The following COL4A4 variants were observed in gnomAD, a reference collection of about 807,000 sequenced individuals.
The protein encoded by COL4A4 is collagen alpha-4(IV) chain.
A neutral mutation model predicts 192.9 loss-of-function variants in COL4A4; 105 were observed. That is an observed-to-expected ratio of 0.54 (90% CI 0.46 to 0.64). The LOEUF (loss-of-function observed/expected upper bound fraction) is 0.64, where lower values mean the gene tolerates loss of function less well. Ranked by LOEUF, COL4A4 falls within the 30% of genes least tolerant of loss-of-function variation. The probability of loss-of-function intolerance (pLI) is 0.00; values close to 1 mark genes in which losing one functional copy is unlikely to be tolerated. For missense variants in COL4A4, 1,967 were observed against 2,169.3 expected (o/e 0.91, Z 1.85); for synonymous variants, 762 against 769.9 (o/e 0.99, Z 0.17).
At chr2:227,136,284 G>A (rs1409193382) in intron 4 of COL4A4, among the ~76,000 whole-genome samples, 5 of 152,146 alleles carry the variant, frequency 3.3e-5, no homozygotes, top group Admixed American at 2.6e-4. Context: ...GGGAGACATC[G>A]ACACTGACTG....
the COL4A4 span, among the ~76,000 whole-genome samples, chr2:226,972,755 C>T: frequency 6.6e-6 from 1 of 152,172 alleles, no homozygotes; most frequent in Non-Finnish European, 1.5e-5. Context: ...TCTGCTCACA[C>T]TCGGCCAAGC....
intron 35 of COL4A4, among the ~76,000 whole-genome samples, chr2:227,043,826 C>G (rs1971928959): frequency 6.6e-6 from 1 of 152,082 alleles, no homozygotes; most frequent in Admixed American, 6.6e-5. Context: ...TCTACATTGC[C>G]AAAATAACAT....
At chr2:227,026,576 T>G (rs1482662099) in intron 42 of COL4A4, among the ~76,000 whole-genome samples, 1 of 152,218 alleles carries the variant, frequency 6.6e-6, no homozygotes, top group South Asian at 2.1e-4. Flanking sequence ...CAGTGCTATT[T>G]ATTTATTCTT....
At position 227,121,113 on chromosome 2, in the gene COL4A4, A is replaced by G. The variant is rs1393470640; in HGVS notation, c.228T>C (p.Ile76=). The G allele has an allele frequency of 6.2e-7, 1 of 1,614,128 alleles. No homozygotes were observed. The change falls in exon 5 of 48, where the codon ATT becomes ATC. Residue 76 remains isoleucine (I), a synonymous_variant. Coordinates refer to ENST00000396625, the MANE Select transcript of COL4A4 (RefSeq NM_000092.5). ...TGGGTCCTGGGGCTCCCAGGGGTCC[A>G]ATTGGACCCTGTGGCCCTGGTGGTC... ...PPGPPGPQGP[I]GPLGAPGPIG...
At chr2:227,073,774 A>G (rs1368975581) in intron 25 of COL4A4, among the ~76,000 whole-genome samples, 2 of 152,044 alleles carry the variant, frequency 1.3e-5, no homozygotes, top group Non-Finnish European at 2.9e-5. Context: ...TTAACAAAGC[A>G]TACAAAAACA....
At chr2:227,045,842 A>ATG (rs1189044646) in intron 35 of COL4A4, among the ~76,000 whole-genome samples, 1 of 59,544 alleles carries the variant, frequency 1.7e-5, no homozygotes, top group Admixed American at 1.9e-4. Flanking sequence ...ACACACATAT[A>ATG]TATATACACA....
rs1293563553 is a variant in COL4A4 at position 227,086,593 on chromosome 2, C to T, written c.1623+2060G>A. On this transcript the variant is annotated intron_variant, in intron 22 of 47. Transcript: ENST00000396625. Reference sequence around the variant, plus strand: ...GGACAGAATCATATACACAACAGACCAGATACACAATCAGAAACGTGGCCA... The same window carrying T: ...GGACAGAATCATATACACAACAGACTAGATACACAATCAGAAACGTGGCCA... 2.0e-5 allele frequency among the ~76,000 whole-genome samples: 3 copies of T among 151,870 alleles called. No individual in the cohort carries two copies. In the East Asian group the frequency reaches 5.8e-4, roughly 29 times the overall value.
At position 227,147,428 on chromosome 2, in the gene COL4A4, A is replaced by G; in HGVS notation, c.56T>C (p.Leu19Ser). 1 of 1,613,806 alleles carries G rather than the reference A, an allele frequency of 6.2e-7. No homozygotes were observed. Among genetic ancestry groups the G allele is most frequent in the Non-Finnish European group, 8.5e-7 (1 of 1,179,782 alleles). Residue 19 changes from leucine (L) to serine (S), a missense_variant, in exon 2 of 48, where the codon TTG becomes TCG. Leu to Ser is a moderately radical substitution (Grantham distance 145). Coordinates refer to ENST00000396625, the MANE Select transcript of COL4A4 (RefSeq NM_000092.5). ...MRCSFRLTKSLATGPWSLILI... is the reference protein window; with the variant it reads ...MRCSFRLTKSSATGPWSLILI... ...GGATACTCACCAGGGACCTGTGGCC[A>G]AGGACTTGGTCAATCTGAAGGAGCA...
the COL4A4 span, among the ~76,000 whole-genome samples, chr2:226,972,671 A>G: frequency 6.6e-6 from 1 of 152,196 alleles, no homozygotes; most frequent in African/African-American, 2.4e-5. Context: ...GTCATTCAGC[A>G]AATAATGACT....
chr2:227,090,956 T>C (rs2059886915), intron 20 of COL4A4, among the ~76,000 whole-genome samples: 1 of 148,586 alleles, frequency 6.7e-6, no homozygotes, highest in African/African-American at 2.5e-5. Flanking sequence ...AAATGTCTCC[T>C]AAATTTCAAG....
At position 227,051,126 on chromosome 2, in the gene COL4A4, T is replaced by C; in HGVS notation, c.3001A>G (p.Arg1001Gly). 1 of 1,614,142 alleles carries C rather than the reference T, an allele frequency of 6.2e-7. No individual in the cohort carries two copies. Among genetic ancestry groups the C allele is most frequent in the South Asian group, 1.1e-5 (1 of 91,082 alleles). Residue 1001 changes from arginine (R) to glycine (G), a missense_variant, in exon 33 of 48, where the codon AGA becomes GGA. Coordinates refer to ENST00000396625, the MANE Select transcript of COL4A4 (RefSeq NM_000092.5). ...GGTCCGTATCTTCCCGGCTCTCCTC[T>C]TCTCCCTTGCATCCCGGGAGTTCCT... Reference protein sequence around the residue: ...DKGTPGMQGRRGEPGRYGPPG... With the variant: ...DKGTPGMQGRGGEPGRYGPPG...
chr2:227,149,869 G>C (rs1318735798), intron 1 of COL4A4, among the ~76,000 whole-genome samples: 2 of 152,060 alleles, frequency 1.3e-5, no homozygotes, highest in Non-Finnish European at 2.9e-5. Context: ...ATGGATGAAT[G>C]GACAGACAGA....
the COL4A4 span, among the ~76,000 whole-genome samples, chr2:226,994,763 G>A: frequency 6.6e-6 from 1 of 152,102 alleles, no homozygotes; most frequent in Non-Finnish European, 1.5e-5. Flanking sequence ...TTCTTATGTA[G>A]TGATTGAAAT....
At chr2:227,032,109 T>G in intron 39 of COL4A4, 39 bp downstream of exon 39, 3 of 1,614,024 alleles carry the variant, frequency 1.9e-6, no homozygotes, top group Non-Finnish European at 2.5e-6. Flanking sequence ...AGGTTTTGGT[T>G]TAGTTATTGA....
chr2:227,059,936 C>G (rs1178454357), intron 27 of COL4A4, among the ~76,000 whole-genome samples, 200 bp downstream of exon 27: 1 of 151,876 alleles, frequency 6.6e-6, no homozygotes, highest in Non-Finnish European at 1.5e-5. Flanking sequence ...GTGTAAGGAG[C>G]CTTGGCAACT....
chr2:227,098,823 A>C, intron 18 of COL4A4, 25 bp from the exon 19 acceptor site: 1 of 1,548,962 alleles, frequency 6.5e-7, no homozygotes, highest in Non-Finnish European at 8.9e-7. Flanking sequence ...GGTACATGAG[A>C]ATAAACAAAT....
intron 4 of COL4A4, among the ~76,000 whole-genome samples, chr2:227,139,451 A>G (rs894215271): frequency 4.6e-5 from 7 of 152,190 alleles, no homozygotes; most frequent in African/African-American, 1.7e-4. Flanking sequence ...CTGTCAGAAC[A>G]TGGGGGAGAC....
intron 44 of COL4A4, among the ~76,000 whole-genome samples, chr2:227,014,892 C>CTTTTTTTTTTTTTTT (rs1179125792): frequency 2.8e-5 from 3 of 106,586 alleles, no homozygotes; most frequent in African/African-American, 1.1e-4. Context: ...CCATGCCTGG[C>CTTTTTTTTTTTTTTT]TTTTTTTTTT....
rs201436618 is a variant in COL4A4 at position 227,102,818 on chromosome 2, T to C, written c.901A>G (p.Lys301Glu). Reference protein sequence around the residue: ...GESGIGAKGEKGIPGFPGPRG... With the variant: ...GESGIGAKGEEGIPGFPGPRG... ...GGCCCTGGAAATCCAGGAATACCTT[T>C]TTCTCCTTTTGCCCCAATACCAGAT... The change falls in exon 15 of 48, where the codon AAA becomes GAA. Residue 301 changes from lysine (K) to glutamate (E), a missense_variant. Lys to Glu is a moderately conservative substitution (Grantham distance 56). Coordinates refer to ENST00000396625, the MANE Select transcript of COL4A4 (RefSeq NM_000092.5). The C allele has an allele frequency of 6.2e-6, 10 of 1,613,574 alleles. No homozygotes were observed. Among genetic ancestry groups the C allele is most frequent in the Non-Finnish European group, 8.5e-6 (10 of 1,179,762 alleles).
Sources: gnomAD v4.1 joint callset for allele counts (sites outside exome capture counted in the v4.1 genomes callset) on GRCh38, gnomAD v4.1.1 for gene constraint, MANE v1.5 for transcripts, NCBI Gene and HGNC (gene_info 2026-07-23, HGNC 2026-07-21) for gene names.